The following B3GALT9 variants were observed in gnomAD, a reference collection of about 807,000 sequenced individuals.
B3GALT9 encodes UDP-GlcNAc:betaGal beta-1,3-N-acetylglucosaminyltransferase 10 (putative).
rs1171767927 is a variant in B3GALT9, at chr9:120,800,401, G to A, written c.*723G>A. On this transcript the variant is annotated 3_prime_UTR_variant, in exon 3 of 3. Coordinates refer to ENST00000689072, the MANE Select transcript of B3GALT9 (RefSeq NM_001386823.1). The stretch of plus-strand genomic sequence containing the variant: ...CCCAAAGTGCTGGGATTACAGGTGT[G>A]AGCCACCACGCCTGGCCTAATTTTT... 1.3e-5 allele frequency among the ~76,000 whole-genome samples: 2 copies of A among 151,360 alleles called. No individual in the cohort carries two copies. The highest frequency in any genetic ancestry group is 6.6e-5 in the Admixed American group (1 of 15,196).
rs942467620 is a variant in B3GALT9 at position 120,799,305 on chromosome 9, C to G, written c.737C>G (p.Ala246Gly). The G allele has an allele frequency of 1.3e-5, 5 of 399,342 alleles. No individual in the cohort carries two copies. The highest frequency in any genetic ancestry group is 6.2e-5 in the African/African-American group (3 of 48,588). 24.7% of individuals were successfully genotyped at this position (399,342 alleles called of 1,614,324 possible). ...TACCCAGATTACTGCAGTGGTGAGG[C>G]CTTTATAATGTCCCAAGATGTGGCT... is the stretch of plus-strand genomic sequence containing the variant. The part of the protein sequence containing the change: ...KYYPDYCSGE[A>G]FIMSQDVARM... Residue 246 changes from alanine (A) to glycine (G), a missense_variant, in exon 3 of 3, where the codon GCC (alanine) becomes GGC (glycine). Physicochemically the swap from Ala to Gly is moderately conservative, Grantham distance 60. Coordinates refer to ENST00000689072, the MANE Select transcript of B3GALT9 (RefSeq NM_001386823.1).
At position 120,799,923 on chromosome 9, in the gene B3GALT9, T is replaced by G. The variant is rs1454697922; in HGVS notation, c.*245T>G. ...AATATTTCTCTCAAAAGAGAGAACATTATGTTTCATTGTTTATTTAGTTTT... is the reference window on the plus strand; with the variant it reads ...AATATTTCTCTCAAAAGAGAGAACAGTATGTTTCATTGTTTATTTAGTTTT... On this transcript the variant is annotated 3_prime_UTR_variant, in exon 3 of 3. Coordinates refer to ENST00000689072, the MANE Select transcript of B3GALT9 (RefSeq NM_001386823.1). 1.2e-5 allele frequency: 4 copies of G among 323,194 alleles called. No individual in the cohort carries two copies. Among genetic ancestry groups the G allele is most frequent in the African/African-American group, 8.6e-5 (4 of 46,710 alleles). The allele number at this position is 323,194 out of a possible 1,614,324, so 20.0% of individuals were successfully genotyped here.
chr9:120,794,509 TG>T (rs2044921308), intron 1 of B3GALT9, among the ~76,000 whole-genome samples: 1 of 5,968 alleles, frequency 1.7e-4, no homozygotes, highest in African/African-American at 1.9e-4. Context: ...CAGCTAGTTG[TG>T]TGTGTGTGTG....
Position 120,799,949 on chromosome 9 carries a change from C to CTT in B3GALT9, c.*271_*272insTT. The stretch of plus-strand genomic sequence containing the variant: ...TATGTTTCATTGTTTATTTAGTTTT[C>CTT]GTTTTTTTTTTTTCTTTTGAGACAG... On this transcript the variant is annotated 3_prime_UTR_variant, in exon 3 of 3. Transcript: ENST00000689072. 6.6e-6 allele frequency: 1 copy of CTT among 150,520 alleles called. No homozygotes were observed. The highest frequency in any genetic ancestry group is 1.1e-5 in the Non-Finnish European group (1 of 88,150). 9.3% of individuals were successfully genotyped at this position (150,520 alleles called of 1,614,324 possible).
At chr9:120,798,325 C>G (rs755435448) in intron 2 of B3GALT9, among the ~76,000 whole-genome samples, 30 of 152,302 alleles carry the variant, frequency 2.0e-4, no homozygotes, top group Non-Finnish European at 4.0e-4. Flanking sequence ...AAGAAAACAA[C>G]CAACTAACAC....
chr9:120,795,107 G>A (rs898156752), intron 1 of B3GALT9, among the ~76,000 whole-genome samples: 2 of 152,160 alleles, frequency 1.3e-5, no homozygotes, highest in Admixed American at 6.5e-5. Flanking sequence ...AAGGTCTCAA[G>A]AGAGCAAATT....
At position 120,801,198 on chromosome 9, in the gene B3GALT9, T is replaced by C. The variant is rs1355538621; in HGVS notation, c.*1520T>C. Among the ~76,000 whole-genome samples, 1 of 152,244 alleles carries C rather than the reference T, an allele frequency of 6.6e-6. No homozygotes were observed. The highest frequency in any genetic ancestry group is 1.5e-5 in the Non-Finnish European group (1 of 68,034). On this transcript the variant is annotated 3_prime_UTR_variant, in exon 3 of 3. Coordinates refer to ENST00000689072, the MANE Select transcript of B3GALT9 (RefSeq NM_001386823.1). ...GAGTGCAGATATCTCTTTAACATAC[T>C]GATTTAATATCTTTTGGATATATTT...
Position 120,793,792 on chromosome 9 carries a change from C to A in B3GALT9, c.-312C>A. ...CAACCTGTTGGGCACCTCTTTATCC[C>A]GAACGCTGTTCTAGGGGATAGGGTT... is the stretch of plus-strand genomic sequence containing the variant. On this transcript the variant is annotated 5_prime_UTR_variant, in exon 1 of 3. Transcript: ENST00000689072. 2.5e-6 allele frequency: 1 copy of A among 396,022 alleles called. No homozygotes were observed. The highest frequency in any genetic ancestry group is 1.4e-4 in the South Asian group (1 of 7,306). The allele number at this position is 396,022 out of a possible 1,614,324, so 24.5% of individuals were successfully genotyped here. A position where few individuals can be genotyped will look rare whatever the true frequency, so the allele number is the denominator to read the frequency against.
At position 120,799,943 on chromosome 9, in the gene B3GALT9, A is replaced by T; in HGVS notation, c.*265A>T. The T allele has an allele frequency of 1.3e-5, 3 of 236,002 alleles. No homozygotes were observed. The highest frequency in any genetic ancestry group is 1.5e-5 in the Non-Finnish European group (2 of 136,420). The allele number at this position is 236,002 out of a possible 1,614,324, so 14.6% of individuals were successfully genotyped here. On this transcript the variant is annotated 3_prime_UTR_variant, in exon 3 of 3. Transcript: ENST00000689072. ...GAACATTATGTTTCATTGTTTATTT[A>T]GTTTTCGTTTTTTTTTTTTCTTTTG...
chr9:120,795,441 T>C (rs1035041415), intron 1 of B3GALT9, among the ~76,000 whole-genome samples: 1 of 152,194 alleles, frequency 6.6e-6, no homozygotes, highest in Non-Finnish European at 1.5e-5. Context: ...TTCATGACTA[T>C]AAAAAAATTT....
intron 2 of B3GALT9, among the ~76,000 whole-genome samples, chr9:120,797,066 GAGAA>G (rs755549588): frequency 1.2e-4 from 14 of 119,022 alleles, no homozygotes; most frequent in Non-Finnish European, 1.5e-4. Context: ...CAAAAATAAA[GAGAA>G]AGAGAGAGAG....
At chr9:120,794,769 T>C (rs1588058436) in intron 1 of B3GALT9, among the ~76,000 whole-genome samples, 1 of 152,136 alleles carries the variant, frequency 6.6e-6, no homozygotes, top group Admixed American at 6.6e-5. Context: ...TCCAATAAGC[T>C]TTTTGCCAGT....
Position 120,799,031 on chromosome 9 carries a change from TCTGAGAACCAAACC to T in B3GALT9, c.468_481del (p.Asn157AspfsTer14), listed in dbSNP as rs2044955247. The T allele has an allele frequency of 2.5e-6, 1 of 399,066 alleles. No individual in the cohort carries two copies. The highest frequency in any genetic ancestry group is 2.1e-5 in the African/African-American group (1 of 48,738). 24.7% of individuals were successfully genotyped at this position (399,066 alleles called of 1,614,324 possible). Reference sequence around the variant, plus strand: ...AATTGAAGGAATCTTCTTGGACAGTTCTGAGAACCAAACCCTGAAGATCATTGCAATGATACAGT... The same window carrying T: ...AATTGAAGGAATCTTCTTGGACAGTTCTGAAGATCATTGCAATGATACAGT... On this transcript the variant is annotated frameshift_variant, in exon 3 of 3. Coordinates refer to ENST00000689072, the MANE Select transcript of B3GALT9 (RefSeq NM_001386823.1). LOFTEE classifies it high-confidence loss of function.
At position 120,801,483 on chromosome 9, in the gene B3GALT9, T is replaced by TAATC. The variant is rs1309089986; in HGVS notation, c.*1806_*1809dup. 6.6e-6 allele frequency among the ~76,000 whole-genome samples: 1 copy of TAATC among 152,224 alleles called. No homozygotes were observed. The highest frequency in any genetic ancestry group is 1.5e-5 in the Non-Finnish European group (1 of 68,038). On this transcript the variant is annotated 3_prime_UTR_variant, in exon 3 of 3. Coordinates refer to ENST00000689072, the MANE Select transcript of B3GALT9 (RefSeq NM_001386823.1). ...GGCAGGGCACAGTGGCTCATGGCTG[T>TAATC]AATCCCAGCACTTTGGGAGGCCAAG...
chr9:120,794,529 T>C (rs1278483251), intron 1 of B3GALT9, among the ~76,000 whole-genome samples: 1 of 151,528 alleles, frequency 6.6e-6, no homozygotes, highest in Non-Finnish European at 1.5e-5. Context: ...TGTGTGTGTG[T>C]GTGTGTGTGT....
rs2044956969 is a variant in B3GALT9, at chr9:120,799,320, A to C, written c.752A>C (p.Gln251Pro). The C allele has an allele frequency of 2.5e-6, 1 of 399,458 alleles. No individual in the cohort carries two copies. The highest frequency in any genetic ancestry group is 2.1e-5 in the African/African-American group (1 of 48,614). The allele number at this position is 399,458 out of a possible 1,614,324, so 24.7% of individuals were successfully genotyped here. Residue 251 changes from glutamine to proline, a missense_variant, in exon 3 of 3, where the codon CAA becomes CCA. Coordinates refer to ENST00000689072, the MANE Select transcript of B3GALT9 (RefSeq NM_001386823.1). ...AGTGGTGAGGCCTTTATAATGTCCC[A>C]AGATGTGGCTCGAATGATGTATGTG... The part of the protein sequence containing the change: ...YCSGEAFIMS[Q>P]DVARMMYVVF...
Position 120,800,678 on chromosome 9 carries a change from A to C in B3GALT9, c.*1000A>C, listed in dbSNP as rs1588060106. On this transcript the variant is annotated 3_prime_UTR_variant, in exon 3 of 3. Coordinates refer to ENST00000689072, the MANE Select transcript of B3GALT9 (RefSeq NM_001386823.1). Reference sequence around the variant, plus strand: ...ATATGTATATGTTATAGAATGGCTAAATCAAGCTATTTAACACATGCATCA... The same window carrying C: ...ATATGTATATGTTATAGAATGGCTACATCAAGCTATTTAACACATGCATCA... 6.6e-6 allele frequency among the ~76,000 whole-genome samples: 1 copy of C among 152,192 alleles called. No individual in the cohort carries two copies. The highest frequency in any genetic ancestry group is 1.9e-4 in the East Asian group (1 of 5,200).
In B3GALT9 at chr9:120,800,436, T is replaced by A. The variant is rs889342501; in HGVS notation, c.*758T>A. On this transcript the variant is annotated 3_prime_UTR_variant, in exon 3 of 3. Coordinates refer to ENST00000689072, the MANE Select transcript of B3GALT9 (RefSeq NM_001386823.1). ...GCCTGGCCTAATTTTTGTATTTTTT[T>A]ATAGAGATGGGGGTTTCATGATGTT... 1.3e-5 allele frequency among the ~76,000 whole-genome samples: 2 copies of A among 151,222 alleles called. No individual in the cohort carries two copies. Among genetic ancestry groups the A allele is most frequent in the Admixed American group, 6.6e-5 (1 of 15,194 alleles).
intron 2 of B3GALT9, among the ~76,000 whole-genome samples, chr9:120,796,940 C>A (rs558790983): frequency 5.9e-5 from 9 of 151,890 alleles, no homozygotes; most frequent in Non-Finnish European, 1.2e-4. Context: ...GCCTGTAATC[C>A]CAGCTACTTG....
Sources: allele counts gnomAD v4.1 joint callset (sites outside exome capture counted in the v4.1 genomes callset), GRCh38; gene constraint gnomAD v4.1.1; transcripts MANE v1.5; gene names NCBI Gene and HGNC (gene_info 2026-07-23, HGNC 2026-07-21).